Variants in RBM47 observed in about 807,000 individuals in gnomAD.
RBM47 encodes RNA-binding protein 47.
RBM47 carries 21 observed loss-of-function variants against 47.1 expected under a neutral mutation model. The ratio of observed to expected loss-of-function variants is 0.45; its 90% confidence interval spans 0.32 to 0.64. The LOEUF (loss-of-function observed/expected upper bound fraction) is 0.64. Ranked by LOEUF, RBM47 falls within the 30% of genes least tolerant of loss-of-function variation. The probability of loss-of-function intolerance (pLI) is 0.05; values close to 1 mark genes in which losing one functional copy is unlikely to be tolerated. For missense variants in RBM47, 708 were observed against 870.9 expected, an observed-to-expected ratio of 0.81 and a Z score of 2.35; for synonymous variants, 375 against 361.7, an observed-to-expected ratio of 1.04 and a Z score of -0.42.
chr4:40,505,810 T>G (rs1724024173), intron 2 of RBM47, among the ~76,000 whole-genome samples: 1 of 151,890 alleles, frequency 6.6e-6, no homozygotes, highest in South Asian at 2.1e-4. Flanking sequence ...GAGAATCACT[T>G]GAACCCAGGA....
At chr4:40,567,686 A>G (rs1731229496) in intron 1 of RBM47, among the ~76,000 whole-genome samples, 1 of 151,994 alleles carries the variant, frequency 6.6e-6, no homozygotes, top group African/African-American at 2.4e-5. Context: ...TGTCCACAAA[A>G]ACCAAAGAAA....
intron 3 of RBM47, among the ~76,000 whole-genome samples, chr4:40,446,464 G>A (rs1452644865): frequency 2.0e-5 from 3 of 152,162 alleles, no homozygotes; most frequent in Non-Finnish European, 2.9e-5. Flanking sequence ...AAGGCTGGGC[G>A]TGGTGACTCA....
chr4:40,590,876 C>T (rs974302352), intron 1 of RBM47, among the ~76,000 whole-genome samples: 7 of 152,180 alleles, frequency 4.6e-5, no homozygotes, highest in Admixed American at 4.6e-4. Context: ...GATCTTGGCT[C>T]GCTGCAATCT....
intron 2 of RBM47, among the ~76,000 whole-genome samples, chr4:40,541,830 T>C (rs1728575176): frequency 6.6e-6 from 1 of 152,032 alleles, no homozygotes; most frequent in African/African-American, 2.4e-5. Context: ...ACAAGTAGAG[T>C]CAAGTAGCTG....
chr4:40,574,604 C>A (rs1732115420), intron 1 of RBM47, among the ~76,000 whole-genome samples: 2 of 152,046 alleles, frequency 1.3e-5, no homozygotes, highest in African/African-American at 4.8e-5. Flanking sequence ...AATCCCAGCA[C>A]TTTGGGAAGC....
intron 1 of RBM47, among the ~76,000 whole-genome samples, chr4:40,576,532 C>T (rs560462834): frequency 1.3e-5 from 2 of 152,130 alleles, no homozygotes; most frequent in Non-Finnish European, 2.9e-5. Context: ...ATCAGACAAA[C>T]GTAACATACT....
chr4:40,528,056 T>C (rs1023074260), intron 2 of RBM47, among the ~76,000 whole-genome samples: 2 of 152,200 alleles, frequency 1.3e-5, no homozygotes, highest in African/African-American at 4.8e-5. Flanking sequence ...ATTTCTTATA[T>C]ATCTAGCACT....
rs372891784 is a variant in RBM47 at position 40,593,669 on chromosome 4, A to G, written c.-240+35727T>C. ...GCTGAGGCGGGTGGATCACGAGGTC[A>G]GGAGATCGAGACCATCCTGGCTAAC... On this transcript the variant is annotated intron_variant, in intron 1 of 6. Transcript: ENST00000295971. Among the ~76,000 whole-genome samples the G allele has an allele frequency of 6.1e-3, 933 of 152,186 alleles. 7 individuals carry two copies. The highest frequency in any genetic ancestry group is 0.024 in the Middle Eastern group (7 of 294).
At position 40,508,163 on chromosome 4, in the gene RBM47, C is replaced by CG. The variant is rs141789738; in HGVS notation, c.-155+36258dup. 8.6e-3 allele frequency among the ~76,000 whole-genome samples: 1,310 copies of CG among 152,330 alleles called. 10 individuals are homozygous for CG. The highest frequency in any genetic ancestry group is 0.03 in the African/African-American group (1,242 of 41,568). ...CGTTCTGGCATTGTCTTTGCCAGGA[C>CG]GGGACTGCCCTCTGGTGTAACTAAC... is the stretch of plus-strand genomic sequence containing the variant. On this transcript the variant is annotated intron_variant, in intron 2 of 6. Transcript: ENST00000295971.
At chr4:40,592,918 A>G (rs1168964381) in intron 1 of RBM47, among the ~76,000 whole-genome samples, 1 of 125,632 alleles carries the variant, frequency 8.0e-6, no homozygotes, top group Non-Finnish European at 1.6e-5. Flanking sequence ...ATTTAGAATC[A>G]ATGCAAACAA....
intron 1 of RBM47, among the ~76,000 whole-genome samples, chr4:40,566,076 CA>C (rs1009694378): frequency 2.8e-4 from 41 of 144,928 alleles, no homozygotes; most frequent in South Asian, 4.5e-4. Context: ...TCAACAACAA[CA>C]AAAAAAAAAG....
chr4:40,611,121 C>T (rs6857625), intron 1 of RBM47, among the ~76,000 whole-genome samples: 71,005 of 151,956 alleles, frequency 0.47, 16,929 homozygotes, highest in Non-Finnish European at 0.47. Context: ...CTGATGCTAC[C>T]GATTCCTATC....
chr4:40,598,698 A>G (rs1415563136), intron 1 of RBM47, among the ~76,000 whole-genome samples: 1 of 152,238 alleles, frequency 6.6e-6, no homozygotes, highest in Non-Finnish European at 1.5e-5. Flanking sequence ...AAAATGATGT[A>G]ATATAGTAAG....
chr4:40,627,058 C>T (rs1737809725), intron 1 of RBM47, among the ~76,000 whole-genome samples: 1 of 152,216 alleles, frequency 6.6e-6, no homozygotes, highest in African/African-American at 2.4e-5. Flanking sequence ...GACCAACACA[C>T]ACCTTTTATG....
At chr4:40,550,342 T>G (rs1380844177) in intron 1 of RBM47, among the ~76,000 whole-genome samples, 1 of 152,208 alleles carries the variant, frequency 6.6e-6, no homozygotes. Context: ...TGTTAGTTCC[T>G]ACATCTTGAT....
At chr4:40,508,721 G>A (rs145477557) in intron 2 of RBM47, among the ~76,000 whole-genome samples, 4 of 152,308 alleles carry the variant, frequency 2.6e-5, no homozygotes, top group East Asian at 3.9e-4. Flanking sequence ...GAGGCACGAC[G>A]ATACTGAGAT....
intron 3 of RBM47, among the ~76,000 whole-genome samples, chr4:40,443,977 T>G (rs1025160190): frequency 5.9e-5 from 9 of 151,966 alleles, no homozygotes; most frequent in African/African-American, 2.2e-4. Flanking sequence ...GGCAGGTAGA[T>G]TGCTTAAGCT....
At chr4:40,456,836 C>G (rs1257472343) in intron 3 of RBM47, among the ~76,000 whole-genome samples, 1 of 151,906 alleles carries the variant, frequency 6.6e-6, no homozygotes. Context: ...TGGGCTCAAG[C>G]AATCCTCCTG....
rs528925622 is a variant in RBM47, at chr4:40,462,862, A to G, written c.-32+3715T>C. On this transcript the variant is annotated intron_variant, in intron 3 of 6. Transcript: ENST00000295971. ...AACTATAAGACTTGGAAGAAAATAC[A>G]GGGGCAAACTTTCATGATACTGGAT... Among the ~76,000 whole-genome samples the G allele has an allele frequency of 2.0e-5, 3 of 152,330 alleles. No individual in the cohort carries two copies. In the East Asian group the frequency reaches 5.8e-4, roughly 29 times the overall value.
Sources: gnomAD v4.1 joint callset for allele counts (sites outside exome capture counted in the v4.1 genomes callset) on GRCh38, gnomAD v4.1.1 for gene constraint, MANE v1.5 for transcripts, NCBI Gene and HGNC (gene_info 2026-07-23, HGNC 2026-07-21) for gene names.